The following KL variants were observed in gnomAD, a reference collection of about 807,000 sequenced individuals.
KL encodes alpha-klotho.
KL carries 62 observed loss-of-function variants against 84.2 expected under a neutral mutation model. The ratio of observed to expected loss-of-function variants is 0.74; its 90% confidence interval spans 0.60 to 0.91. KL has a LOEUF of 0.91. KL is among the 40% of genes least tolerant of loss of function. KL has a pLI of 0.00. For missense variants in KL, 1,261 were observed against 1,305.7 expected, an observed-to-expected ratio of 0.97 and a Z score of 0.53; for synonymous variants, 528 against 528.0, an observed-to-expected ratio of 1.00 and a Z score of 0.00.
chr13:33,054,985 G>C lies in KL; in HGVS notation c.1331-62G>C, dbSNP rs1394862597. 5.6e-6 allele frequency: 9 copies of C among 1,608,748 alleles called. No homozygotes were observed. The Admixed American group carries it at 1.5e-4, about 27-fold the overall frequency. On this transcript the variant is annotated intron_variant, in intron 2 of 4. Coordinates refer to ENST00000380099, the MANE Select transcript of KL (RefSeq NM_004795.4). ...AAGTAGGAAACGCTCAGCTGCTCTT[G>C]AACCATGATGCAAGTGCCCAGCGAA...
chr13:33,054,037 G>A lies in KL; in HGVS notation c.1090G>A (p.Ala364Thr). The change falls in exon 2 of 5, where the codon GCT becomes ACT. Residue 364 changes from alanine (A) to threonine (T), a missense_variant. Physicochemically the swap from Ala to Thr is moderately conservative, Grantham distance 58. Transcript: ENST00000380099. ...TGAGAAAAAGTTCATCAAAGGAACTGCTGACTTTTTTGCTCTTTGCTTTGG... is the reference window on the plus strand; with the variant it reads ...TGAGAAAAAGTTCATCAAAGGAACTACTGACTTTTTTGCTCTTTGCTTTGG... ...ESEKKFIKGT[A>T]DFFALCFGPT... is the part of the protein sequence containing the mutation. 6.2e-7 allele frequency: 1 copy of A among 1,612,808 alleles called. No individual in the cohort carries two copies. Among genetic ancestry groups the A allele is most frequent in the Non-Finnish European group, 8.5e-7 (1 of 1,179,034 alleles).
rs755211397 is a variant in KL at position 33,061,388 on chromosome 13, A to C, written c.2309A>C (p.Tyr770Ser). 1.2e-5 allele frequency: 19 copies of C among 1,614,192 alleles called. No homozygotes were observed. The South Asian group carries it at 2.1e-4, about 18-fold the overall frequency. ...LAEPIFGSGD[Y>S]PWVMRDWLNQ... ...GAGCCCATTTTCGGCTCTGGAGATTATCCATGGGTGATGAGGGACTGGCTG... is the reference window on the plus strand; with the variant it reads ...GAGCCCATTTTCGGCTCTGGAGATTCTCCATGGGTGATGAGGGACTGGCTG... Residue 770 changes from tyrosine (Y) to serine (S), a missense_variant, in exon 4 of 5, where the codon TAT becomes TCT. Physicochemically the swap from Tyr to Ser is moderately radical, Grantham distance 144. Coordinates refer to ENST00000380099, the MANE Select transcript of KL (RefSeq NM_004795.4).
intron 1 of KL, among the ~76,000 whole-genome samples, chr13:33,025,773 C>T (rs986556247): frequency 6.6e-6 from 1 of 152,120 alleles, no homozygotes; most frequent in Non-Finnish European, 1.5e-5. Flanking sequence ...GTCACCTTAC[C>T]GCGGACTCAA....
intron 1 of KL, among the ~76,000 whole-genome samples, chr13:33,022,354 T>A (rs180674003): frequency 5.5e-4 from 84 of 152,342 alleles, no homozygotes; most frequent in African/African-American, 1.8e-3. Context: ...GCAAAAGTTG[T>A]CTTTCTTTCA....
At chr13:33,024,575 G>A (rs550715501) in intron 1 of KL, among the ~76,000 whole-genome samples, 35 of 152,342 alleles carry the variant, frequency 2.3e-4, no homozygotes, top group African/African-American at 6.5e-4. Context: ...GGCTCTTTTC[G>A]TGAGGGTCCA....
At chr13:33,052,329 G>A (rs1871785477) in intron 1 of KL, among the ~76,000 whole-genome samples, 1 of 152,176 alleles carries the variant, frequency 6.6e-6, no homozygotes. Flanking sequence ...CTGGGGAGGT[G>A]TGATGGGGAA....
At chr13:33,045,668 G>T (rs1374556524) in intron 1 of KL, among the ~76,000 whole-genome samples, 1 of 152,026 alleles carries the variant, frequency 6.6e-6, no homozygotes. Context: ...TAGTAGAGAC[G>T]GGGTTTCTCG....
At position 33,016,738 on chromosome 13, in the gene KL, C is replaced by T. The variant is rs369677957; in HGVS notation, c.298C>T (p.Pro100Ser). The T allele has an allele frequency of 2.5e-6, 4 of 1,610,832 alleles. No individual in the cohort carries two copies. Among genetic ancestry groups the T allele is most frequent in the East Asian group, 2.2e-5 (1 of 44,804 alleles). ...WDTFTHHPLA[P>S]PGDSRNASLP... Reference sequence around the variant, plus strand: ...TACGTTCACCCACCACCCCCTGGCACCCCCGGGAGACTCCCGGAACGCCAG... The same window carrying T: ...TACGTTCACCCACCACCCCCTGGCATCCCCGGGAGACTCCCGGAACGCCAG... Residue 100 changes from proline to serine, a missense_variant, in exon 1 of 5, where the codon CCC becomes TCC. Coordinates refer to ENST00000380099, the MANE Select transcript of KL (RefSeq NM_004795.4).
Position 33,061,195 on chromosome 13 carries a change from G to T in KL, c.2116G>T (p.Ala706Ser), listed in dbSNP as rs181345119. ...TYSAGHNLLK[A>S]HALAWHVYNE... is the part of the protein sequence containing the mutation. The stretch of plus-strand genomic sequence containing the variant: ...CAGTGCTGGCCACAACCTTCTGAAG[G>T]CCCATGCCCTGGCTTGGCATGTGTA... The change falls in exon 4 of 5, where the codon GCC (alanine) becomes TCC (serine). Residue 706 changes from alanine to serine, a missense_variant. Ala to Ser is a moderately conservative substitution (Grantham distance 99). Transcript: ENST00000380099. The T allele has an allele frequency of 1.2e-6, 2 of 1,614,260 alleles. No homozygotes were observed. Among genetic ancestry groups the T allele is most frequent in the East Asian group, 2.2e-5 (1 of 44,888 alleles).
In KL at chr13:33,066,120, A is replaced by G. The variant is rs1218558595; in HGVS notation, c.*1934A>G. 1 of 170,442 alleles carries G rather than the reference A, an allele frequency of 5.9e-6. No individual in the cohort carries two copies. The highest frequency in any genetic ancestry group is 1.3e-5 in the Non-Finnish European group (1 of 78,464). 10.6% of individuals were successfully genotyped at this position (170,442 alleles called of 1,614,324 possible). ...TATATTAATAATAAATCTGCCTGCA[A>G]CTTTTTGCCTTCTTTCATAATCATA... On this transcript the variant is annotated 3_prime_UTR_variant, in exon 5 of 5. Coordinates refer to ENST00000380099, the MANE Select transcript of KL (RefSeq NM_004795.4).
Position 33,053,764 on chromosome 13 carries a change from T to C in KL, c.820-3T>C. On this transcript the variant is annotated splice_polypyrimidine_tract_variant and splice_region_variant and intron_variant, in intron 1 of 4. Transcript: ENST00000380099. Reference sequence around the variant, plus strand: ...AAATTTGCCATGGTTTTTCTCTTCATAGGCTCATGCCAAAGTCTGGCATCT... The same window carrying C: ...AAATTTGCCATGGTTTTTCTCTTCACAGGCTCATGCCAAAGTCTGGCATCT... 6.2e-7 allele frequency: 1 copy of C among 1,614,194 alleles called. No homozygotes were observed. Among genetic ancestry groups the C allele is most frequent in the Non-Finnish European group, 8.5e-7 (1 of 1,179,998 alleles).
At chr13:33,061,883 G>T (rs1872223553) in intron 4 of KL, 103 bp downstream of exon 4, 8 of 1,214,904 alleles carry the variant, frequency 6.6e-6, no homozygotes, top group Non-Finnish European at 9.6e-6. Context: ...CCCTTGGAAT[G>T]GAGGGCTATC....
rs145002065 is a variant in KL at position 33,017,721 on chromosome 13, A to C, written c.819+462A>C. ...ATAAGATCTGTCTTGCTTGTGGCAC[A>C]AGTTCACACTGTTGTGAAAGTGTCA... On this transcript the variant is annotated intron_variant, in intron 1 of 4. Transcript: ENST00000380099. 4.8e-3 allele frequency among the ~76,000 whole-genome samples: 730 copies of C among 152,314 alleles called. 5 individuals are homozygous for C. The highest frequency in any genetic ancestry group is 0.016 in the African/African-American group (683 of 41,552).
Position 33,064,042 on chromosome 13 carries a change from AG to A in KL, c.2896del (p.Glu966AsnfsTer21). ...PETLERFCPEEFTVCTECSFF... is the reference protein window; with the variant it reads ...PETLERFCPEXFTVCTECSFF... ...AAACTCTGGAAAGATTTTGTCCAGA[AG>A]AATTCACCGTGTGTACTGAGTGCAG... On this transcript the variant is annotated frameshift_variant, in exon 5 of 5. Transcript: ENST00000380099. LOFTEE classifies it high-confidence loss of function. 6.2e-7 allele frequency: 1 copy of A among 1,614,252 alleles called. No homozygotes were observed. Among genetic ancestry groups the A allele is most frequent in the Non-Finnish European group, 8.5e-7 (1 of 1,180,036 alleles).
At chr13:33,051,299 T>C (rs1425558138) in intron 1 of KL, among the ~76,000 whole-genome samples, 1 of 152,066 alleles carries the variant, frequency 6.6e-6, no homozygotes, top group Non-Finnish European at 1.5e-5. Context: ...TTTGGGAGGC[T>C]GAGGTGGGAG....
At position 33,064,078 on chromosome 13, in the gene KL, C is replaced by T; in HGVS notation, c.2931C>T (p.His977=). 1 of 1,614,046 alleles carries T rather than the reference C, an allele frequency of 6.2e-7. No individual in the cohort carries two copies. Among genetic ancestry groups the T allele is most frequent in the East Asian group, 2.2e-5 (1 of 44,888 alleles). The change falls in exon 5 of 5, where the codon CAC becomes CAT. Residue 977 remains histidine, a synonymous_variant. Transcript: ENST00000380099. ...FTVCTECSFF[H]TRKSLLAFIA... is the part of the protein sequence containing the mutation. ...TGTGTACTGAGTGCAGTTTTTTTCA[C>T]ACCCGAAAGTCTTTACTGGCTTTCA...
chr13:33,058,731 T>A (rs1034531898), intron 3 of KL, among the ~76,000 whole-genome samples: 1 of 152,166 alleles, frequency 6.6e-6, no homozygotes, highest in African/African-American at 2.4e-5. Context: ...TAAAAGCTGT[T>A]GTTTTGGAAC....
At position 33,063,717 on chromosome 13, in the gene KL, C is replaced by G. The variant is rs1297634088; in HGVS notation, c.2702-132C>G. 6.2e-6 allele frequency: 5 copies of G among 806,068 alleles called. No homozygotes were observed. The Admixed American group carries it at 9.0e-5, about 15-fold the overall frequency. 49.9% of individuals were successfully genotyped at this position (806,068 alleles called of 1,614,324 possible). On this transcript the variant is annotated intron_variant, in intron 4 of 4. Coordinates refer to ENST00000380099, the MANE Select transcript of KL (RefSeq NM_004795.4). ...TGTTGAACCTGGGAGGCGGAGGTTG[C>G]AGTGAGTCAAGATGGTGCCATTGCA...
intron 1 of KL, among the ~76,000 whole-genome samples, chr13:33,033,551 C>T (rs1005996502): frequency 1.3e-5 from 2 of 152,094 alleles, no homozygotes; most frequent in Non-Finnish European, 2.9e-5. Flanking sequence ...CTTCTCCCTG[C>T]CTGGAAGGTT....
Sources: gnomAD v4.1 joint callset for allele counts (sites outside exome capture counted in the v4.1 genomes callset) on GRCh38, gnomAD v4.1.1 for gene constraint, MANE v1.5 for transcripts, NCBI Gene and HGNC (gene_info 2026-07-23, HGNC 2026-07-21) for gene names.